The following BBX variants were observed in gnomAD, a reference collection of about 807,000 sequenced individuals.
The protein encoded by BBX is BBX high mobility group box domain containing.
Under a neutral mutation model 100.2 loss-of-function variants are expected in BBX, and 30 were observed. That is an observed-to-expected ratio of 0.30 (90% CI 0.22 to 0.41). The LOEUF is 0.41. Ranked by LOEUF, BBX falls within the 10% of genes least tolerant of loss-of-function variation. The pLI is 1.00. For missense variants in BBX, 1,023 were observed against 1,129.8 expected (o/e 0.91, Z 1.35); for synonymous variants, 376 against 388.1 (o/e 0.97, Z 0.37).
chr3:107,646,774 G>T lies in BBX; in HGVS notation c.-10+865G>T, dbSNP rs1048520687. ...ACTTATTCTTTAACTTTTTAATTAA[G>T]ATTAATCCAAAACCTTTTCTATTTT... is the stretch of plus-strand genomic sequence containing the variant. On this transcript the variant is annotated intron_variant, in intron 3 of 17. Coordinates refer to ENST00000325805, the MANE Select transcript of BBX (RefSeq NM_001142568.3). Among the ~76,000 whole-genome samples the T allele has an allele frequency of 2.0e-5, 3 of 152,130 alleles. No homozygotes were observed. The East Asian group carries it at 5.8e-4, about 29-fold the overall frequency.
rs2071261497 is a variant in BBX at position 107,810,939 on chromosome 3, C to G, written c.*5482C>G. The stretch of plus-strand genomic sequence containing the variant: ...TTTTTTTTTTGCTTTCAGAAATTGG[C>G]TTGGTTCTCTTTAGAGTTGGTGTAA... On this transcript the variant is annotated 3_prime_UTR_variant, in exon 18 of 18. Coordinates refer to ENST00000325805, the MANE Select transcript of BBX (RefSeq NM_001142568.3). 1 of 151,190 alleles carries G rather than the reference C, an allele frequency of 6.6e-6. No homozygotes were observed. Among genetic ancestry groups the G allele is most frequent in the Non-Finnish European group, 1.5e-5 (1 of 67,860 alleles). The allele number at this position is 151,190 out of a possible 1,614,324, so 9.4% of individuals were successfully genotyped here.
intron 2 of BBX, among the ~76,000 whole-genome samples, chr3:107,563,387 A>G (rs185676006): frequency 2.0e-5 from 3 of 152,238 alleles, no homozygotes; most frequent in African/African-American, 7.2e-5. Flanking sequence ...TCTCTATACA[A>G]AGCCTGCATT....
chr3:107,526,832 G>C (rs867055229), intron 2 of BBX: 2 of 152,506 alleles, frequency 1.3e-5, no homozygotes, highest in African/African-American at 4.8e-5. Flanking sequence ...TCTCTCTCAA[G>C]TTCTCTTTCT....
intron 2 of BBX, among the ~76,000 whole-genome samples, chr3:107,578,474 T>C (rs1175386433): frequency 6.6e-6 from 1 of 152,204 alleles, no homozygotes; most frequent in East Asian, 1.9e-4. Flanking sequence ...GAAACCTATT[T>C]CTCATTAGGT....
chr3:107,611,601 G>A (rs1356254076), intron 2 of BBX, among the ~76,000 whole-genome samples: 1 of 152,174 alleles, frequency 6.6e-6, no homozygotes, highest in Non-Finnish European at 1.5e-5. Context: ...ACTGCTCCCA[G>A]ACATATTGGA....
intron 3 of BBX, chr3:107,674,846 A>G (rs185089011): frequency 3.9e-5 from 6 of 152,552 alleles, no homozygotes; most frequent in East Asian, 3.9e-4. Context: ...GGTAAGTTCT[A>G]TTGTGTTGAA....
chr3:107,691,619 C>G (rs1326063116), intron 3 of BBX, among the ~76,000 whole-genome samples: 2 of 152,144 alleles, frequency 1.3e-5, no homozygotes, highest in Non-Finnish European at 2.9e-5. Flanking sequence ...AGAAATTAAT[C>G]AATGATAGCA....
In BBX at chr3:107,566,175, C is replaced by CAAAAA. The variant is rs754905445; in HGVS notation, c.-84+39800_-84+39804dup. Among the ~76,000 whole-genome samples the CAAAAA allele has an allele frequency of 8.1e-4, 43 of 53,044 alleles. 2 individuals carry two copies. Among genetic ancestry groups the CAAAAA allele is most frequent in the African/African-American group, 2.8e-3 (39 of 14,030 alleles). The allele number at this position is 53,044 out of a possible 152,430, so 34.8% of individuals were successfully genotyped here. A position where few individuals can be genotyped will look rare whatever the true frequency, so the allele number is the denominator to read the frequency against. On this transcript the variant is annotated intron_variant, in intron 2 of 17. Transcript: ENST00000325805. ...GGGCAACAAGAGCGAAACTCTGTCT[C>CAAAAA]AAAAAAAAAAAAAAAAAAAAAAAAA...
intron 3 of BBX, among the ~76,000 whole-genome samples, chr3:107,695,746 A>G (rs2060543655): frequency 6.6e-6 from 1 of 151,296 alleles, no homozygotes. Context: ...ATTCCTGGGT[A>G]TCCTTGTTGA....
intron 2 of BBX, among the ~76,000 whole-genome samples, chr3:107,641,485 A>G (rs2057210188): frequency 6.6e-6 from 1 of 152,036 alleles, no homozygotes; most frequent in Admixed American, 6.5e-5. Context: ...GCCCATCTGA[A>G]CCAATGAATG....
chr3:107,554,876 C>T (rs979322814), intron 2 of BBX, among the ~76,000 whole-genome samples: 12 of 152,126 alleles, frequency 7.9e-5, no homozygotes, highest in South Asian at 6.2e-4. Context: ...CAAGACCAGC[C>T]TGACCAACAT....
At chr3:107,722,124 T>C (rs975666974) in intron 5 of BBX, among the ~76,000 whole-genome samples, 6 of 152,038 alleles carry the variant, frequency 3.9e-5, no homozygotes, top group Non-Finnish European at 7.4e-5. Flanking sequence ...TCTAGCAACA[T>C]AGATGTTAAT....
chr3:107,715,629 A>G (rs946558161), intron 4 of BBX, among the ~76,000 whole-genome samples: 1 of 152,222 alleles, frequency 6.6e-6, no homozygotes, highest in Admixed American at 6.5e-5. Context: ...TTACAATCAT[A>G]ATATGTTCTG....
chr3:107,737,298 T>TAC (rs201660279), intron 7 of BBX, among the ~76,000 whole-genome samples: 3 of 62,894 alleles, frequency 4.8e-5, no homozygotes, highest in African/African-American at 1.6e-4. Context: ...CATGCATACA[T>TAC]ACACACAGAG....
chr3:107,544,277 G>A (rs1204269081), intron 2 of BBX, among the ~76,000 whole-genome samples: 1 of 152,132 alleles, frequency 6.6e-6, no homozygotes, highest in Non-Finnish European at 1.5e-5. Context: ...TTATTTCTAA[G>A]TGTTGGAAAA....
chr3:107,665,059 A>T (rs980907305), intron 3 of BBX, among the ~76,000 whole-genome samples: 1 of 152,044 alleles, frequency 6.6e-6, no homozygotes. Context: ...TAATTGTCTG[A>T]TCTCAATATT....
At chr3:107,635,387 C>T (rs978295843) in intron 2 of BBX, among the ~76,000 whole-genome samples, 3 of 152,186 alleles carry the variant, frequency 2.0e-5, no homozygotes, top group Non-Finnish European at 4.4e-5. Flanking sequence ...TTGTGTGCCA[C>T]TGTCCACTTA....
At chr3:107,555,839 A>T (rs2050060106) in intron 2 of BBX, among the ~76,000 whole-genome samples, 1 of 152,240 alleles carries the variant, frequency 6.6e-6, no homozygotes, top group Non-Finnish European at 1.5e-5. Context: ...CTGTATGAAT[A>T]GTCCTCCCCT....
intron 3 of BBX, among the ~76,000 whole-genome samples, chr3:107,701,228 G>T (rs2061024000): frequency 6.6e-6 from 1 of 152,116 alleles, no homozygotes; most frequent in African/African-American, 2.4e-5. Context: ...TTCTTAGAGT[G>T]ACAAGGATTG....
Sources: gnomAD v4.1 joint callset for allele counts (sites outside exome capture counted in the v4.1 genomes callset) on GRCh38, gnomAD v4.1.1 for gene constraint, MANE v1.5 for transcripts, NCBI Gene and HGNC (gene_info 2026-07-23, HGNC 2026-07-21) for gene names.